DNAH9: variants seen among roughly 807,000 people sequenced by gnomAD.
DNAH9 encodes DNAH9 variant protein.
Under a neutral mutation model 471.6 loss-of-function variants are expected in DNAH9, and 345 were observed. That is an observed-to-expected ratio of 0.73 (90% CI 0.67 to 0.80). The LOEUF (loss-of-function observed/expected upper bound fraction) is 0.80. DNAH9 is among the 30% of genes least tolerant of loss of function. The pLI, the probability that DNAH9 is intolerant of heterozygous loss-of-function variation, is 0.00. For missense variants in DNAH9, 5,407 were observed against 5,609.2 expected, an observed-to-expected ratio of 0.96 and a Z score of 1.15; for synonymous variants, 2,093 against 2,123.6, an observed-to-expected ratio of 0.99 and a Z score of 0.40.
rs2073344602 is a variant in DNAH9, at chr17:11,644,624, C to T, written c.1902-7C>T. 1 of 1,597,146 alleles carries T rather than the reference C, an allele frequency of 6.3e-7. No individual in the cohort carries two copies. The highest frequency in any genetic ancestry group is 8.6e-7 in the Non-Finnish European group (1 of 1,166,204). Reference sequence around the variant, plus strand: ...TCTGTGTCACTTTTTCTCTTTTGTACGAGTAGTTGCATGGAATCTGCAGAA... The same window carrying T: ...TCTGTGTCACTTTTTCTCTTTTGTATGAGTAGTTGCATGGAATCTGCAGAA... On this transcript the variant is annotated splice_region_variant and splice_polypyrimidine_tract_variant and intron_variant, in intron 10 of 68. Coordinates refer to ENST00000262442, the MANE Select transcript of DNAH9 (RefSeq NM_001372.4).
In DNAH9 at chr17:11,923,944, A is replaced by T. The variant is rs758597127; in HGVS notation, c.11877+3A>T. ...AAGGTCACTGGGTTATTTTGCAGGT[A>T]TGTTCCTCTACCCTTGTCTGGGTTA... is the stretch of plus-strand genomic sequence containing the variant. On this transcript the variant is annotated splice_donor_region_variant and intron_variant, in intron 62 of 68. Transcript: ENST00000262442. 6.2e-6 allele frequency: 10 copies of T among 1,613,496 alleles called. No homozygotes were observed. The highest frequency in any genetic ancestry group is 8.5e-6 in the Non-Finnish European group (10 of 1,179,622).
intron 2 of DNAH9, 101 bp downstream of exon 2, chr17:11,608,426 C>T (rs2072555937): frequency 1.1e-6 from 1 of 902,558 alleles, no homozygotes; most frequent in African/African-American, 1.7e-5. Flanking sequence ...CTCTGCACAT[C>T]TCCTCGTTCT....
intron 61 of DNAH9, among the ~76,000 whole-genome samples, chr17:11,912,469 G>A (rs754729850): frequency 6.6e-6 from 1 of 152,168 alleles, no homozygotes; most frequent in Non-Finnish European, 1.5e-5. Context: ...TTATTGGATT[G>A]AGAAAGTTGC....
At chr17:11,938,857 C>T (rs771112165) in intron 66 of DNAH9, among the ~76,000 whole-genome samples, 4 of 152,074 alleles carry the variant, frequency 2.6e-5, no homozygotes, top group Admixed American at 6.6e-5. Flanking sequence ...TTTTGACCTC[C>T]CAAAGTGCTA....
intron 6 of DNAH9, among the ~76,000 whole-genome samples, chr17:11,627,710 G>A (rs955575014): frequency 6.6e-6 from 1 of 152,150 alleles, no homozygotes; most frequent in Non-Finnish European, 1.5e-5. Context: ...GCCTTGGCTG[G>A]TGTCTTCCCT....
chr17:11,649,340 G>A (rs537972339), intron 12 of DNAH9, among the ~76,000 whole-genome samples: 68 of 152,102 alleles, frequency 4.5e-4, no homozygotes, highest in Non-Finnish European at 8.8e-4. Context: ...ATTCTAGGAG[G>A]CATCTTTTTA....
intron 15 of DNAH9, among the ~76,000 whole-genome samples, chr17:11,666,542 C>T (rs61202916): frequency 0.34 from 51,339 of 151,986 alleles, 8,894 homozygotes; most frequent in Middle Eastern, 0.42. Flanking sequence ...CTCCTTCGAA[C>T]GGGTGGGAGC....
At chr17:11,697,487 T>G (rs902292046) in intron 22 of DNAH9, among the ~76,000 whole-genome samples, 1 of 152,214 alleles carries the variant, frequency 6.6e-6, no homozygotes, top group African/African-American at 2.4e-5. Flanking sequence ...TTCTAAAAAT[T>G]TGTATGCTTA....
In DNAH9 at chr17:11,923,945, T is replaced by C. The variant is rs751378658; in HGVS notation, c.11877+4T>C. On this transcript the variant is annotated splice_donor_region_variant and intron_variant, in intron 62 of 68. Coordinates refer to ENST00000262442, the MANE Select transcript of DNAH9 (RefSeq NM_001372.4). ...AGGTCACTGGGTTATTTTGCAGGTA[T>C]GTTCCTCTACCCTTGTCTGGGTTAT... The C allele has an allele frequency of 6.2e-7, 1 of 1,613,672 alleles. No individual in the cohort carries two copies. Among genetic ancestry groups the C allele is most frequent in the Non-Finnish European group, 8.5e-7 (1 of 1,179,700 alleles).
chr17:11,920,261 C>A (rs1159205979), intron 61 of DNAH9, among the ~76,000 whole-genome samples: 1 of 151,532 alleles, frequency 6.6e-6, no homozygotes, highest in Non-Finnish European at 1.5e-5. Flanking sequence ...GCCTTGAACT[C>A]CCGACCTCAG....
At chr17:11,619,963 C>A (rs2072821191) in intron 6 of DNAH9, 182 bp downstream of exon 6, 3 of 581,450 alleles carry the variant, frequency 5.2e-6, no homozygotes, top group Admixed American at 6.1e-5. Flanking sequence ...ATCCCACTAG[C>A]ACTTTGGGAG....
chr17:11,821,954 T>C lies in DNAH9; in HGVS notation c.8742T>C (p.Val2914=), dbSNP rs781611283. Reference sequence around the variant, plus strand: ...CAGATCTCTACTCTGATGATGAAGTTGAAAACATCATAAGCAATGTGAGGA... The same window carrying C: ...CAGATCTCTACTCTGATGATGAAGTCGAAAACATCATAAGCAATGTGAGGA... ...EIPDLYSDDE[V]ENIISNVRNE... is the part of the protein sequence containing the mutation. Residue 2914 remains valine, a synonymous_variant, in exon 46 of 69, where the codon GTT becomes GTC. Transcript: ENST00000262442. 6.2e-7 allele frequency: 1 copy of C among 1,614,100 alleles called. No homozygotes were observed. The highest frequency in any genetic ancestry group is 1.7e-5 in the Admixed American group (1 of 60,018).
At chr17:11,729,543 G>A (rs1442272941) in intron 28 of DNAH9, among the ~76,000 whole-genome samples, 1 of 152,208 alleles carries the variant, frequency 6.6e-6, no homozygotes, top group Non-Finnish European at 1.5e-5. Context: ...GTAGCTATGA[G>A]AGACTCTTTG....
In DNAH9 at chr17:11,803,399, T is replaced by TGTGC. The variant is rs1316018386; in HGVS notation, c.8421-4332_8421-4331insTGCG. Reference sequence around the variant, plus strand: ...CTAGGGGTGTGTGTGTGTGTGTGTGTGCGCTCGCACACACGCACATGCGTG... The same window carrying TGTGC: ...CTAGGGGTGTGTGTGTGTGTGTGTGTGTGCGCGCTCGCACACACGCACATGCGTG... On this transcript the variant is annotated intron_variant, in intron 43 of 68. Transcript: ENST00000262442. Among the ~76,000 whole-genome samples, 26 of 151,780 alleles carry TGTGC rather than the reference T, an allele frequency of 1.7e-4. No individual in the cohort carries two copies. The East Asian group carries it at 4.1e-3, about 24-fold the overall frequency.
At position 11,902,912 on chromosome 17, in the gene DNAH9, G is replaced by A. The variant is rs773110271; in HGVS notation, c.11600G>A (p.Arg3867Gln). 1.4e-5 allele frequency: 22 copies of A among 1,611,722 alleles called. No individual in the cohort carries two copies. The Admixed American group carries it at 1.8e-4, about 13-fold the overall frequency. The stretch of plus-strand genomic sequence containing the variant: ...CCCGACCGGATGACCTATGCTTTGC[G>A]GTAGGAAACAGGGTGGTGGAAGGCC... ...MRPDRMTYAL[R>Q]DFVEEKLGSK... is the part of the protein sequence containing the mutation. The change falls in exon 60 of 69, where the codon CGA (arginine) becomes CAA (glutamine). Residue 3867 changes from arginine (R) to glutamine (Q), a missense_variant and splice_region_variant. Physicochemically the swap from Arg to Gln is conservative, Grantham distance 43 (BLOSUM62 1). Around this residue, in one of 3 missense-constraint regions of DNAH9, gnomAD observed 4,636 missense variants for 4,900.3 expected, o/e 0.95. Transcript: ENST00000262442.
chr17:11,762,989 C>T (rs1176721789), intron 35 of DNAH9, among the ~76,000 whole-genome samples: 1 of 151,842 alleles, frequency 6.6e-6, no homozygotes. Flanking sequence ...CCATGTTAGC[C>T]AGAATGGTCT....
intron 68 of DNAH9, among the ~76,000 whole-genome samples, chr17:11,963,504 T>G (rs1567583794): frequency 6.6e-6 from 1 of 151,918 alleles, no homozygotes; most frequent in Non-Finnish European, 1.5e-5. Flanking sequence ...ACTGGATTAT[T>G]AGAGGGTGTA....
chr17:11,918,563 T>TA (rs1488698182), intron 61 of DNAH9, among the ~76,000 whole-genome samples: 1 of 152,162 alleles, frequency 6.6e-6, no homozygotes, highest in Non-Finnish European at 1.5e-5. Context: ...AAAAGATAGA[T>TA]AAGCTGAGGC....
Position 11,679,762 on chromosome 17 carries a change from C to G in DNAH9, c.3359C>G (p.Ala1120Gly). 1 of 1,612,504 alleles carries G rather than the reference C, an allele frequency of 6.2e-7. No homozygotes were observed. Among genetic ancestry groups the G allele is most frequent in the South Asian group, 1.1e-5 (1 of 91,042 alleles). Residue 1120 changes from alanine to glycine, a missense_variant, in exon 18 of 69, where the codon GCC becomes GGC. By Grantham distance (60) the Ala-to-Gly change is moderately conservative. Coordinates refer to ENST00000262442, the MANE Select transcript of DNAH9 (RefSeq NM_001372.4). ...GTTCTGTTTGTGTTGATTAGCTTGG[C>G]CAACCTGGATGCGTTTATAAAGAAG... ...HLVDHVTHSLANLDAFIKKSE... is the reference protein window; with the variant it reads ...HLVDHVTHSLGNLDAFIKKSE...
Sources: gnomAD v4.1 joint callset for allele counts (sites outside exome capture counted in the v4.1 genomes callset) on GRCh38, gnomAD v4.1.1 for gene constraint, gnomAD v4.1.1 regional missense constraint, MANE v1.5 for transcripts, NCBI Gene and HGNC (gene_info 2026-07-23, HGNC 2026-07-21) for gene names.